ADAMTS3: variants seen among roughly 807,000 people sequenced by gnomAD.
The protein encoded by ADAMTS3 is ADAM metallopeptidase with thrombospondin type 1 motif 3.
A neutral mutation model predicts 129.0 loss-of-function variants in ADAMTS3; 73 were observed. That is an observed-to-expected ratio of 0.57 (90% confidence interval 0.47 to 0.69). The LOEUF is 0.69. ADAMTS3 is among the 30% of genes least tolerant of loss of function. ADAMTS3 has a pLI of 0.00. For synonymous variants in ADAMTS3, 477 were observed against 510.8 expected (o/e 0.93, Z 0.89); for missense variants, 1,457 against 1,514.5 (o/e 0.96, Z 0.63).
chr4:72,515,761 G>A (rs557668427), intron 3 of ADAMTS3, among the ~76,000 whole-genome samples: 16 of 151,064 alleles, frequency 1.1e-4, no homozygotes, highest in South Asian at 2.1e-4. Context: ...AGTAGGTTGC[G>A]AAAATTTTCT....
chr4:72,565,531 G>T (rs1722000838), intron 2 of ADAMTS3, among the ~76,000 whole-genome samples: 2 of 152,114 alleles, frequency 1.3e-5, no homozygotes. Flanking sequence ...TTATACTTTT[G>T]CTATCACAAG....
At chr4:72,529,870 TAA>T (rs1444773183) in intron 3 of ADAMTS3, among the ~76,000 whole-genome samples, 1 of 77,102 alleles carries the variant, frequency 1.3e-5, no homozygotes, top group Non-Finnish European at 2.3e-5. Context: ...ATATATAATA[TAA>T]ATTATATATA....
chr4:72,514,220 C>T (rs1228507014), intron 3 of ADAMTS3, among the ~76,000 whole-genome samples: 2 of 152,108 alleles, frequency 1.3e-5, no homozygotes, highest in Non-Finnish European at 2.9e-5. Flanking sequence ...AATTCAATGT[C>T]ACCAACTCTT....
chr4:72,510,813 T>C (rs1198050692), intron 3 of ADAMTS3, among the ~76,000 whole-genome samples: 1 of 108,844 alleles, frequency 9.2e-6, no homozygotes, highest in Non-Finnish European at 1.7e-5. Flanking sequence ...AAAGCTATCC[T>C]TAAGCCAAAA....
chr4:72,424,252 C>A (rs192027351), intron 3 of ADAMTS3, among the ~76,000 whole-genome samples: 51 of 152,206 alleles, frequency 3.4e-4, no homozygotes, highest in Admixed American at 2.9e-3. Context: ...ATAATGCCAT[C>A]TGAACCCACA....
chr4:72,309,336 A>T, intron 15 of ADAMTS3, 61 bp downstream of exon 15: 1 of 1,549,162 alleles, frequency 6.5e-7, no homozygotes. Context: ...CTAAAGGAAG[A>T]AGCCTCAAAA....
chr4:72,479,459 A>C (rs1719358268), intron 3 of ADAMTS3, among the ~76,000 whole-genome samples: 1 of 152,228 alleles, frequency 6.6e-6, no homozygotes, highest in Non-Finnish European at 1.5e-5. Context: ...TTCCCTATTT[A>C]ATAAATGGTG....
intron 4 of ADAMTS3, among the ~76,000 whole-genome samples, chr4:72,376,202 A>G (rs941542183): frequency 6.6e-6 from 1 of 152,140 alleles, no homozygotes; most frequent in Admixed American, 6.5e-5. Flanking sequence ...AGGCTTGGTA[A>G]TTTATGAACA....
chr4:72,567,464 G>A (rs1722045598), intron 1 of ADAMTS3, 63 bp from the exon 2 acceptor site: 1 of 1,519,936 alleles, frequency 6.6e-7, no homozygotes, highest in South Asian at 1.1e-5. Flanking sequence ...CACCTTGTGA[G>A]TTTTATTTCT....
intron 3 of ADAMTS3, among the ~76,000 whole-genome samples, chr4:72,485,335 GTAGTT>G (rs1719557872): frequency 6.6e-6 from 1 of 152,092 alleles, no homozygotes; most frequent in Non-Finnish European, 1.5e-5. Flanking sequence ...TAAAATTTTT[GTAGTT>G]TAGACTGGAG....
intron 3 of ADAMTS3, among the ~76,000 whole-genome samples, chr4:72,462,393 T>C (rs1167090804): frequency 1.3e-5 from 2 of 152,012 alleles, no homozygotes; most frequent in Non-Finnish European, 2.9e-5. Context: ...CCCTTGGCTG[T>C]TGAAACAATG....
chr4:72,305,950 G>A, intron 16 of ADAMTS3, 37 bp downstream of exon 16: 1 of 1,515,412 alleles, frequency 6.6e-7, no homozygotes, highest in East Asian at 2.3e-5. Context: ...ATGTTTCAGT[G>A]CATGTTAAAG....
intron 17 of ADAMTS3, among the ~76,000 whole-genome samples, chr4:72,300,475 T>C (rs1718921083): frequency 1.3e-5 from 2 of 152,138 alleles, no homozygotes; most frequent in East Asian, 1.9e-4. Context: ...CCTCCAATCA[T>C]TCATATTTAA....
chr4:72,535,506 G>C (rs148468251), intron 3 of ADAMTS3, among the ~76,000 whole-genome samples: 162 of 152,282 alleles, frequency 1.1e-3, no homozygotes, highest in African/African-American at 3.5e-3. Flanking sequence ...CCAGACAGAA[G>C]TAGACCTTCC....
At chr4:72,430,102 G>C (rs1292944452) in intron 3 of ADAMTS3, among the ~76,000 whole-genome samples, 3 of 152,046 alleles carry the variant, frequency 2.0e-5, no homozygotes, top group African/African-American at 4.8e-5. Context: ...GTGGCAAATT[G>C]TATTTTCCAA....
chr4:72,504,315 C>T (rs1720101085), intron 3 of ADAMTS3, among the ~76,000 whole-genome samples: 1 of 152,068 alleles, frequency 6.6e-6, no homozygotes, highest in Non-Finnish European at 1.5e-5. Context: ...TTTTATTTCT[C>T]TTTCATTTAT....
intron 4 of ADAMTS3, among the ~76,000 whole-genome samples, chr4:72,362,785 A>G (rs991873507): frequency 1.3e-5 from 2 of 152,160 alleles, no homozygotes; most frequent in African/African-American, 4.8e-5. Flanking sequence ...ACAGTTGTGA[A>G]AAAAGTCACA....
At chr4:72,314,823 C>G (rs1256630560) in intron 11 of ADAMTS3, among the ~76,000 whole-genome samples, 1 of 152,108 alleles carries the variant, frequency 6.6e-6, no homozygotes, top group Admixed American at 6.6e-5. Flanking sequence ...TAATCCCTGT[C>G]ACAAGTACAG....
At position 72,548,608 on chromosome 4, in the gene ADAMTS3, T is replaced by G; in HGVS notation, c.374A>C (p.Asn125Thr). 1 of 1,614,046 alleles carries G rather than the reference T, an allele frequency of 6.2e-7. No individual in the cohort carries two copies. The highest frequency in any genetic ancestry group is 8.5e-7 in the Non-Finnish European group (1 of 1,179,936). ...LVPGNITDPI[N>T]NHQPGSATYR... ...CGTAGCACTTCCTGGTTGATGGTTG[T>G]TAATGGGATCGGTTATATTCCCAGG... The change falls in exon 3 of 22, where the codon AAC becomes ACC. Residue 125 changes from asparagine (N) to threonine (T), a missense_variant. Coordinates refer to ENST00000286657, the MANE Select transcript of ADAMTS3 (RefSeq NM_014243.3).
Sources: allele counts gnomAD v4.1 joint callset (sites outside exome capture counted in the v4.1 genomes callset), GRCh38; gene constraint gnomAD v4.1.1; transcripts MANE v1.5; gene names NCBI Gene and HGNC (gene_info 2026-07-23, HGNC 2026-07-21).